The following MPP3 variants were observed in gnomAD, a reference collection of about 807,000 sequenced individuals.
MPP3 encodes the protein MAGUK p55 scaffold protein 3, also known as MAGUK p55 subfamily member 3.
Under a neutral mutation model 80.7 loss-of-function variants are expected in MPP3, and 48 were observed. The ratio of observed to expected loss-of-function variants is 0.59; its 90% CI spans 0.47 to 0.76. The LOEUF is 0.76. Ranked by LOEUF, MPP3 falls within the 30% of genes least tolerant of loss-of-function variation. MPP3 has a pLI of 0.00. For synonymous variants in MPP3, 311 were observed against 297.6 expected (o/e 1.04, Z -0.46); for missense variants, 620 against 763.0 (o/e 0.81, Z 2.21).
At chr17:43,820,731 CTGG>C in intron 11 of MPP3, 128 bp downstream of exon 11, 1 of 753,014 alleles carries the variant, frequency 1.3e-6, no homozygotes, top group Non-Finnish European at 2.2e-6. Context: ...ACAAGTGCAA[CTGG>C]TACTTACCTT....
chr17:43,832,500 A>G (rs1162740411), intron 2 of MPP3, among the ~76,000 whole-genome samples: 1 of 151,934 alleles, frequency 6.6e-6, no homozygotes, highest in African/African-American at 2.4e-5. Context: ...TGCAGAGAGG[A>G]GGGGGGGAAA....
At chr17:43,818,294 G>A (rs2045254015) in intron 11 of MPP3, among the ~76,000 whole-genome samples, 184 bp from the exon 12 acceptor site, 1 of 152,198 alleles carries the variant, frequency 6.6e-6, no homozygotes, top group Admixed American at 6.5e-5. Context: ...AGGGCTCACT[G>A]GCTCACCAGG....
chr17:43,812,672 A>T (rs376815935), intron 16 of MPP3, among the ~76,000 whole-genome samples: 2 of 152,212 alleles, frequency 1.3e-5, no homozygotes, highest in East Asian at 1.9e-4. Context: ...TCTAAAACAA[A>T]GGAGGAAAGT....
rs180917063 is a variant in MPP3 at position 43,824,046 on chromosome 17, T to G, written c.610-41A>C. On this transcript the variant is annotated intron_variant, in intron 9 of 19. Transcript: ENST00000398389. The stretch of plus-strand genomic sequence containing the variant: ...ACAGAAGCTTCTCGCCTACCAGGTC[T>G]AACCCTCCAAGAGTTCAACTCCTAC... 14 of 1,458,128 alleles carry G rather than the reference T, an allele frequency of 9.6e-6. No homozygotes were observed. The East Asian group carries it at 2.8e-4, about 29-fold the overall frequency. 90.3% of individuals were successfully genotyped at this position (1,458,128 alleles called of 1,614,324 possible).
intron 16 of MPP3, among the ~76,000 whole-genome samples, chr17:43,812,098 C>T (rs1306963119): frequency 6.6e-6 from 1 of 152,214 alleles, no homozygotes; most frequent in East Asian, 1.9e-4. Context: ...TGTGTTTCAG[C>T]AAGGCTGGCT....
chr17:43,807,492 A>C (rs1270710191), intron 19 of MPP3, among the ~76,000 whole-genome samples: 1 of 146,322 alleles, frequency 6.8e-6, no homozygotes, highest in Non-Finnish European at 1.5e-5. Flanking sequence ...TAATTTTTGT[A>C]ATTTTTTTGT....
chr17:43,820,102 T>C (rs1315924774), intron 11 of MPP3, among the ~76,000 whole-genome samples: 1 of 152,044 alleles, frequency 6.6e-6, no homozygotes, highest in Non-Finnish European at 1.5e-5. Context: ...TGTGCAACCA[T>C]GCCCAGCTAA....
At chr17:43,803,418 C>CT (rs2044491793) in intron 19 of MPP3, among the ~76,000 whole-genome samples, 1 of 152,152 alleles carries the variant, frequency 6.6e-6, no homozygotes, top group Non-Finnish European at 1.5e-5. Flanking sequence ...CTTTCCTGGC[C>CT]TGTAACGATG....
intron 5 of MPP3, among the ~76,000 whole-genome samples, chr17:43,830,322 A>G (rs769077239): frequency 2.0e-5 from 3 of 152,172 alleles, no homozygotes; most frequent in Admixed American, 6.5e-5. Flanking sequence ...TTTAAGCCCT[A>G]CGTGCTTTCT....
At chr17:43,803,594 C>T (rs1408733299) in intron 19 of MPP3, among the ~76,000 whole-genome samples, 3 of 152,158 alleles carry the variant, frequency 2.0e-5, no homozygotes, top group African/African-American at 7.2e-5. Flanking sequence ...TGTTTTGGGT[C>T]CCCTACCAGG....
intron 7 of MPP3, 149 bp from the exon 8 acceptor site, chr17:43,827,981 A>T: frequency 1.4e-6 from 1 of 691,072 alleles, no homozygotes; most frequent in Non-Finnish European, 2.6e-6. Flanking sequence ...AGACAAAACA[A>T]AACCAACATC....
At position 43,817,233 on chromosome 17, in the gene MPP3, AC is replaced by A. The variant is rs1030027690; in HGVS notation, c.947-537del. On this transcript the variant is annotated intron_variant, in intron 12 of 19. Coordinates refer to ENST00000398389, the MANE Select transcript of MPP3 (RefSeq NM_001932.6). ...TGCTCTGGAAAAGCTTCCTCTCTGC[AC>A]GGGGCCCTACCCTGGGGCTCTGATC... 4.6e-5 allele frequency among the ~76,000 whole-genome samples: 7 copies of A among 152,302 alleles called. No homozygotes were observed. In the South Asian group the frequency reaches 6.2e-4, roughly 14 times the overall value.
At chr17:43,830,489 C>A (rs962664958) in intron 5 of MPP3, among the ~76,000 whole-genome samples, 12 of 152,160 alleles carry the variant, frequency 7.9e-5, no homozygotes, top group African/African-American at 2.9e-4. Context: ...AGGATTTGAA[C>A]CTGGGCTTAT....
chr17:43,808,750 G>A (rs2044722620), intron 19 of MPP3, among the ~76,000 whole-genome samples: 1 of 152,182 alleles, frequency 6.6e-6, no homozygotes, highest in African/African-American at 2.4e-5. Flanking sequence ...TGGTTTGGGA[G>A]GCACTTCCAG....
intron 16 of MPP3, chr17:43,811,478 G>A (rs1271186659): frequency 2.4e-6 from 1 of 424,908 alleles, no homozygotes; most frequent in Admixed American, 3.7e-5. Flanking sequence ...TGTGCACAGT[G>A]ACCCACAACC....
At chr17:43,827,353 A>G in intron 8 of MPP3, among the ~76,000 whole-genome samples, 2 of 122,560 alleles carry the variant, frequency 1.6e-5, no homozygotes, top group South Asian at 2.7e-4. Context: ...TTTGAGACAG[A>G]GTCTCACTCT....
In MPP3 at chr17:43,801,551, A is replaced by G; in HGVS notation, c.*150T>C. On this transcript the variant is annotated 3_prime_UTR_variant, in exon 20 of 20. Transcript: ENST00000398389. ...AACAACAGACAAAAACCAACAACAAACAAGACTTCCCACTTATACTCTTCT... is the reference window on the plus strand; with the variant it reads ...AACAACAGACAAAAACCAACAACAAGCAAGACTTCCCACTTATACTCTTCT... 2 of 711,140 alleles carry G rather than the reference A, an allele frequency of 2.8e-6. No individual in the cohort carries two copies. Among genetic ancestry groups the G allele is most frequent in the Non-Finnish European group, 4.5e-6 (2 of 445,908 alleles). 44.1% of individuals were successfully genotyped at this position (711,140 alleles called of 1,614,324 possible).
At chr17:43,817,648 C>T (rs2045210625) in intron 12 of MPP3, among the ~76,000 whole-genome samples, 2 of 152,188 alleles carry the variant, frequency 1.3e-5, no homozygotes, top group African/African-American at 4.8e-5. Context: ...GGCAGCCCTA[C>T]CAGAGGCACC....
chr17:43,826,555 A>G (rs550155712), intron 8 of MPP3, among the ~76,000 whole-genome samples: 1 of 152,266 alleles, frequency 6.6e-6, no homozygotes, highest in South Asian at 2.1e-4. Context: ...ACATCGCCCT[A>G]TACCAGGAGG....
Sources: gnomAD v4.1 joint callset for allele counts (sites outside exome capture counted in the v4.1 genomes callset) on GRCh38, gnomAD v4.1.1 for gene constraint, MANE v1.5 for transcripts, NCBI Gene and HGNC (gene_info 2026-07-23, HGNC 2026-07-21) for gene names.